GSTCD: variants seen among roughly 807,000 people sequenced by gnomAD.
GSTCD encodes the protein glutathione S-transferase C-terminal domain containing, also known as glutathione S-transferase C-terminal domain-containing protein.
In GSTCD, 44 loss-of-function variants were observed where a neutral mutation model predicts 68.3. The observed-to-expected ratio is 0.64, with a 90% CI of 0.51 to 0.83. The LOEUF is 0.83. GSTCD is among the 40% of genes least tolerant of loss of function. GSTCD has a pLI of 0.00. For missense variants in GSTCD, 739 were observed against 735.9 expected (o/e 1.00, Z -0.05); for synonymous variants, 273 against 255.2 (o/e 1.07, Z -0.67).
intron 5 of GSTCD, among the ~76,000 whole-genome samples, chr4:105,819,779 A>G (rs1229458077): frequency 2.6e-5 from 4 of 151,608 alleles, no homozygotes; most frequent in Admixed American, 2.0e-4. Context: ...TGTATACAAC[A>G]TTGATCTCTG....
chr4:105,711,709 TTA>T (rs1190944161), intron 1 of GSTCD, among the ~76,000 whole-genome samples: 1 of 152,246 alleles, frequency 6.6e-6, no homozygotes, highest in Non-Finnish European at 1.5e-5. Flanking sequence ...GAAAAGTTTT[TTA>T]TAGCTACTAA....
chr4:105,808,483 A>G (rs1413282972), intron 5 of GSTCD, among the ~76,000 whole-genome samples: 1 of 152,100 alleles, frequency 6.6e-6, no homozygotes, highest in Non-Finnish European at 1.5e-5. Flanking sequence ...TCTAGCCTTG[A>G]CTATTTCAGT....
At chr4:105,785,091 A>C (rs912662656) in intron 5 of GSTCD, among the ~76,000 whole-genome samples, 2 of 152,240 alleles carry the variant, frequency 1.3e-5, no homozygotes, top group Admixed American at 6.5e-5. Context: ...ATCAGATCAA[A>C]CAGATACTCA....
intron 10 of GSTCD, among the ~76,000 whole-genome samples, chr4:105,839,628 G>T (rs1190764008): frequency 6.6e-6 from 1 of 152,016 alleles, no homozygotes; most frequent in Admixed American, 6.6e-5. Context: ...GTGAGAGAGT[G>T]ATACTCTGTC....
intron 5 of GSTCD, among the ~76,000 whole-genome samples, chr4:105,811,267 T>C (rs1039458520): frequency 6.6e-6 from 1 of 152,064 alleles, no homozygotes; most frequent in African/African-American, 2.4e-5. Context: ...TTATATCTCT[T>C]TCCTCTTAGT....
chr4:105,801,456 T>G (rs1736102346), intron 5 of GSTCD, among the ~76,000 whole-genome samples: 1 of 152,120 alleles, frequency 6.6e-6, no homozygotes, highest in Admixed American at 6.6e-5. Flanking sequence ...TAAATGAATT[T>G]TATTAGGGTG....
chr4:105,847,128 A>G lies in GSTCD; in HGVS notation c.*1551A>G, dbSNP rs1299965932. The G allele has an allele frequency of 1.3e-5, 2 of 152,162 alleles. No homozygotes were observed. Among genetic ancestry groups the G allele is most frequent in the Non-Finnish European group, 2.9e-5 (2 of 68,034 alleles). 9.4% of individuals were successfully genotyped at this position (152,162 alleles called of 1,614,324 possible). A position where few individuals can be genotyped will look rare whatever the true frequency, so the allele number is the denominator to read the frequency against. On this transcript the variant is annotated 3_prime_UTR_variant, in exon 12 of 12. Coordinates refer to ENST00000515279, the MANE Select transcript of GSTCD (RefSeq NM_001370181.1). The stretch of plus-strand genomic sequence containing the variant: ...CAGCCAACATTTTAAAAGACAAATG[A>G]TGCATCCTTTCTCAATGCTGCTAAT...
chr4:105,756,736 C>T (rs922562993), intron 5 of GSTCD, among the ~76,000 whole-genome samples: 2 of 151,998 alleles, frequency 1.3e-5, no homozygotes, highest in African/African-American at 4.8e-5. Context: ...GGCAAATACT[C>T]TGCAGATATC....
intron 5 of GSTCD, among the ~76,000 whole-genome samples, chr4:105,769,640 C>T (rs1319568726): frequency 6.6e-6 from 1 of 152,056 alleles, no homozygotes; most frequent in African/African-American, 2.4e-5. Context: ...TAATAGCTTT[C>T]CTGGCTGGTA....
At chr4:105,791,258 TG>T (rs1333284633) in intron 5 of GSTCD, among the ~76,000 whole-genome samples, 4 of 151,128 alleles carry the variant, frequency 2.6e-5, no homozygotes, top group Non-Finnish European at 4.4e-5. Context: ...CCGGGCGTGG[TG>T]GTGGGCGCCT....
At chr4:105,757,953 C>T (rs2149233010) in intron 5 of GSTCD, among the ~76,000 whole-genome samples, 1 of 152,284 alleles carries the variant, frequency 6.6e-6, no homozygotes, top group African/African-American at 2.4e-5. Flanking sequence ...GGCCTTTAGA[C>T]ATGTTCCTAC....
At chr4:105,736,658 A>G (rs1733473112) in intron 5 of GSTCD, among the ~76,000 whole-genome samples, 1 of 152,160 alleles carries the variant, frequency 6.6e-6, no homozygotes, top group Non-Finnish European at 1.5e-5. Context: ...AATTATAATC[A>G]CCAAACAGTG....
At chr4:105,816,058 A>G (rs2149269977) in intron 5 of GSTCD, among the ~76,000 whole-genome samples, 1 of 152,238 alleles carries the variant, frequency 6.6e-6, no homozygotes, top group South Asian at 2.1e-4. Flanking sequence ...TACAATTTCC[A>G]TTATTCACTG....
rs565263553 is a variant in GSTCD, at chr4:105,817,035, A to G, written c.1241-5919A>G. On this transcript the variant is annotated intron_variant, in intron 5 of 11. Coordinates refer to ENST00000515279, the MANE Select transcript of GSTCD (RefSeq NM_001370181.1). ...AGTATCCATCATTTTAGGAACTTCA[A>G]TGAAACATATATGGATTTTTGTAAG... Among the ~76,000 whole-genome samples, 4 of 152,102 alleles carry G rather than the reference A, an allele frequency of 2.6e-5. No individual in the cohort carries two copies. The South Asian group carries it at 6.2e-4, about 24-fold the overall frequency.
chr4:105,747,995 A>T (rs1387447175), intron 5 of GSTCD, among the ~76,000 whole-genome samples: 1 of 152,200 alleles, frequency 6.6e-6, no homozygotes, highest in Non-Finnish European at 1.5e-5. Context: ...TGGCTCACTC[A>T]TGTAATCCCA....
chr4:105,782,171 T>C (rs2149250055), intron 5 of GSTCD, among the ~76,000 whole-genome samples: 1 of 151,890 alleles, frequency 6.6e-6, no homozygotes, highest in Middle Eastern at 3.4e-3. Context: ...ATGAAGAGAA[T>C]ATGAGGAACA....
chr4:105,822,768 TCTAGTCCTC>T (rs1723368864), intron 5 of GSTCD, among the ~76,000 whole-genome samples, 177 bp from the exon 6 acceptor site: 2 of 152,156 alleles, frequency 1.3e-5, no homozygotes, highest in Non-Finnish European at 2.9e-5. Flanking sequence ...CATCTCGGGT[TCTAGTCCTC>T]CTAGTCCTCA....
At position 105,718,052 on chromosome 4, in the gene GSTCD, T is replaced by A. The variant is rs769095404; in HGVS notation, c.426+13T>A. The stretch of plus-strand genomic sequence containing the variant: ...AGCCTGTGCTGAAGTAAGTATAATG[T>A]CTTTTTTCTGTTATTTGAAGCTACA... On this transcript the variant is annotated intron_variant, in intron 2 of 11. Transcript: ENST00000515279. 13 of 1,564,770 alleles carry A rather than the reference T, an allele frequency of 8.3e-6. No individual in the cohort carries two copies. The Middle Eastern group carries it at 5.2e-4, about 62-fold the overall frequency.
intron 5 of GSTCD, among the ~76,000 whole-genome samples, chr4:105,770,319 A>T (rs935605530): frequency 6.6e-6 from 1 of 151,220 alleles, no homozygotes; most frequent in Non-Finnish European, 1.5e-5. Context: ...CCTTTCTGAG[A>T]ATTACTTGCT....
Sources: allele counts gnomAD v4.1 joint callset (sites outside exome capture counted in the v4.1 genomes callset), GRCh38; gene constraint gnomAD v4.1.1; transcripts MANE v1.5; gene names NCBI Gene and HGNC (gene_info 2026-07-23, HGNC 2026-07-21).